ASH1L: variants seen among roughly 807,000 people sequenced by gnomAD.
ASH1L encodes the protein ASH1 like histone lysine methyltransferase, also known as histone-lysine N-methyltransferase ASH1L.
A neutral mutation model predicts 269.0 loss-of-function variants in ASH1L; 23 were observed. That is an observed-to-expected ratio of 0.09 (90% CI 0.06 to 0.12). The LOEUF is 0.12. ASH1L is among the 10% of genes least tolerant of loss of function. The probability of loss-of-function intolerance (pLI) is 1.00; values close to 1 mark genes in which losing one functional copy is unlikely to be tolerated. For synonymous variants in ASH1L, 1,187 were observed against 1,253.5 expected, an observed-to-expected ratio of 0.95 and a Z score of 1.12; for missense variants, 2,912 against 3,567.8, an observed-to-expected ratio of 0.82 and a Z score of 4.68.
intron 2 of ASH1L, among the ~76,000 whole-genome samples, chr1:155,495,374 T>C (rs1380247361): frequency 6.6e-6 from 1 of 152,144 alleles, no homozygotes; most frequent in Non-Finnish European, 1.5e-5. Context: ...GAATAACCTA[T>C]TGCTCCTAGG....
chr1:155,464,086 G>T (rs1664506087), intron 3 of ASH1L, among the ~76,000 whole-genome samples: 1 of 152,164 alleles, frequency 6.6e-6, no homozygotes, highest in Admixed American at 6.5e-5. Context: ...TCCCAAGGGA[G>T]AAAGTAGTTT....
chr1:155,520,985 A>G, intron 2 of ASH1L, 115 bp downstream of exon 2: 3 of 1,163,274 alleles, frequency 2.6e-6, no homozygotes, highest in Non-Finnish European at 3.6e-6. Context: ...AAAACAAACT[A>G]TCTGGAAATA....
chr1:155,505,759 T>G (rs569729689), intron 2 of ASH1L, among the ~76,000 whole-genome samples: 1 of 152,304 alleles, frequency 6.6e-6, no homozygotes, highest in South Asian at 2.1e-4. Flanking sequence ...ATATACATTT[T>G]ATAGAAAACT....
rs1209644011 is a variant in ASH1L, at chr1:155,478,456, CAGG to C, written c.4411_4413del (p.Pro1471del). On this transcript the variant is annotated inframe_deletion, in exon 3 of 28. Coordinates refer to ENST00000392403, the MANE Select transcript of ASH1L (RefSeq NM_018489.3). The surrounding 1 kb of genome is among the most constrained non-coding windows in gnomAD (Gnocchi z 4.6). ...TCAACCATCCAACCATAGGCCATCT[CAGG>C]AGGAACACTGGGGTAGGTACTCATG... 6.2e-7 allele frequency: 1 copy of C among 1,613,958 alleles called. No homozygotes were observed. Among genetic ancestry groups the C allele is most frequent in the Non-Finnish European group, 8.5e-7 (1 of 1,180,024 alleles).
chr1:155,487,610 C>T (rs1056815964), intron 2 of ASH1L, among the ~76,000 whole-genome samples: 3 of 152,024 alleles, frequency 2.0e-5, no homozygotes, highest in Admixed American at 6.6e-5. Context: ...TAATCTCGAA[C>T]TCCGGGGCTC....
At chr1:155,393,157 G>T (rs1170611576) in intron 7 of ASH1L, among the ~76,000 whole-genome samples, 1 of 152,138 alleles carries the variant, frequency 6.6e-6, no homozygotes, top group Non-Finnish European at 1.5e-5. Flanking sequence ...GTAAGCACAC[G>T]TAAAGTTTAT....
intron 24 of ASH1L, 32 bp from the exon 25 acceptor site, chr1:155,342,134 T>C (rs757345668): frequency 1.9e-6 from 3 of 1,606,756 alleles, no homozygotes; most frequent in Non-Finnish European, 2.6e-6. Flanking sequence ...AGGAATCCTA[T>C]TTAGCCATTT....
intron 1 of ASH1L, among the ~76,000 whole-genome samples, chr1:155,538,578 G>A (rs747438254): frequency 2.0e-5 from 3 of 149,574 alleles, no homozygotes; most frequent in African/African-American, 4.9e-5. Flanking sequence ...TCCTGACCTC[G>A]TGATCTGCCC....
At chr1:155,422,794 C>G (rs1660811689) in intron 5 of ASH1L, among the ~76,000 whole-genome samples, 1 of 151,528 alleles carries the variant, frequency 6.6e-6, no homozygotes, top group South Asian at 2.1e-4. Context: ...AGACTACAGG[C>G]ACCCGCTACC....
chr1:155,409,330 T>C (rs1659571308), intron 6 of ASH1L, among the ~76,000 whole-genome samples: 1 of 152,192 alleles, frequency 6.6e-6, no homozygotes, highest in African/African-American at 2.4e-5. Flanking sequence ...TTGTCATTTT[T>C]CAACCATCAA....
chr1:155,491,999 T>C (rs891803675), intron 2 of ASH1L, among the ~76,000 whole-genome samples: 1 of 151,100 alleles, frequency 6.6e-6, no homozygotes, highest in African/African-American at 2.4e-5. Flanking sequence ...TGAAAAAATA[T>C]ATTCCAGCCT....
rs1664153744 is a variant in ASH1L at position 155,459,844 on chromosome 1, CAAT to C, written c.5036_5038del (p.Asn1679_Cys1680delinsSer). 6.2e-7 allele frequency: 1 copy of C among 1,612,832 alleles called. No individual in the cohort carries two copies. Among genetic ancestry groups the C allele is most frequent in the South Asian group, 1.1e-5 (1 of 90,918 alleles). ...TGAAGACCTTTTCCGGGTAGGGCTA[CAAT>C]TTGTGCTCTCTGATGGCCGCTGGGA... On this transcript the variant is annotated inframe_deletion, in exon 4 of 28. Coordinates refer to ENST00000392403, the MANE Select transcript of ASH1L (RefSeq NM_018489.3).
rs1484196173 is a variant in ASH1L at position 155,458,966 on chromosome 1, T to TTTTG, written c.5086+827_5086+830dup. 1.1e-4 allele frequency among the ~76,000 whole-genome samples: 17 copies of TTTTG among 151,680 alleles called. No homozygotes were observed. In the Middle Eastern group the frequency reaches 0.01, roughly 91 times the overall value. Reference sequence around the variant, plus strand: ...TCATCCTCTCTCTTTTTTTTTTTTTTTTTGGTAAACACACAAACTATCCAT... The same window carrying TTTTG: ...TCATCCTCTCTCTTTTTTTTTTTTTTTTTGTTTGGTAAACACACAAACTATCCAT... On this transcript the variant is annotated intron_variant, in intron 4 of 27. Coordinates refer to ENST00000392403, the MANE Select transcript of ASH1L (RefSeq NM_018489.3).
At chr1:155,351,673 A>G (rs1288685688) in intron 17 of ASH1L, among the ~76,000 whole-genome samples, 1 of 151,952 alleles carries the variant, frequency 6.6e-6, no homozygotes, top group East Asian at 1.9e-4. Flanking sequence ...ATATGGTGAA[A>G]CACTGTCTCT....
chr1:155,352,778 T>C lies in ASH1L; in HGVS notation c.7294A>G (p.Ile2432Val). 1 of 1,614,206 alleles carries C rather than the reference T, an allele frequency of 6.2e-7. No individual in the cohort carries two copies. Residue 2432 changes from isoleucine to valine, a missense_variant, in exon 17 of 28, where the codon ATT becomes GTT. Ile to Val is a conservative substitution (Grantham distance 29). This residue lies in a region of ASH1L where 309 missense variants were observed against 435.1 expected (regional missense o/e 0.71). Transcript: ENST00000392403. ...AGGCGGGCTGCCCGAGCCACTTCAA[T>C]ATTTTCCTCTGCAGCTGCCAACCGT... ...TRRLAAAEEN[I>V]EVARAARLAQ...
intron 1 of ASH1L, among the ~76,000 whole-genome samples, chr1:155,528,628 G>A (rs1669434864): frequency 6.6e-6 from 1 of 152,120 alleles, no homozygotes; most frequent in South Asian, 2.1e-4. Flanking sequence ...AATGCCTTCA[G>A]TTGAGTAGAT....
At chr1:155,370,448 T>C in intron 12 of ASH1L, 56 bp downstream of exon 12, 3 of 1,605,912 alleles carry the variant, frequency 1.9e-6, no homozygotes, top group Non-Finnish European at 2.5e-6. Flanking sequence ...AATCCCTTGC[T>C]GCACTCAATG....
intron 7 of ASH1L, among the ~76,000 whole-genome samples, chr1:155,390,410 T>C (rs1303577669): frequency 6.6e-6 from 1 of 152,148 alleles, no homozygotes; most frequent in Non-Finnish European, 1.5e-5. Context: ...TGGTATATGT[T>C]TGAGAAAGAA....
Position 155,438,460 on chromosome 1 carries a change from C to T in ASH1L, c.5695G>A (p.Ala1899Thr). Residue 1899 changes from alanine to threonine, a missense_variant, in exon 5 of 28, where the codon GCT becomes ACT. Coordinates refer to ENST00000392403, the MANE Select transcript of ASH1L (RefSeq NM_018489.3). ...TTCAGATTTACACTCTGAACAACAG[C>T]CTCAATTACATCTGTAACTGTGTCA... ...SPDTVTDVIEAVVQSVNLNPE... is the reference protein window; with the variant it reads ...SPDTVTDVIETVVQSVNLNPE... The T allele has an allele frequency of 1.2e-6, 2 of 1,614,014 alleles. No individual in the cohort carries two copies. Among genetic ancestry groups the T allele is most frequent in the Non-Finnish European group, 1.7e-6 (2 of 1,180,000 alleles).
Sources: gnomAD v4.1 joint callset for allele counts (sites outside exome capture counted in the v4.1 genomes callset) on GRCh38, gnomAD v4.1.1 for gene constraint, gnomAD v4.1.1 regional missense constraint, Gnocchi (gnomAD v3.1) non-coding constraint, MANE v1.5 for transcripts, NCBI Gene and HGNC (gene_info 2026-07-23, HGNC 2026-07-21) for gene names.